Variants in SCUBE2 observed in about 807,000 individuals in gnomAD.
SCUBE2 encodes the protein signal peptide, CUB domain and EGF like domain containing 2, also known as signal peptide, CUB and EGF-like domain-containing protein 2.
In SCUBE2, 114 loss-of-function variants were observed where a neutral mutation model predicts 125.9. That is an observed-to-expected ratio of 0.91 (90% CI 0.78 to 1.06). SCUBE2 has a LOEUF of 1.06. SCUBE2 is among the 50% of genes least tolerant of loss of function. The pLI is 0.00. For synonymous variants in SCUBE2, 459 were observed against 492.9 expected (o/e 0.93, Z 0.91); for missense variants, 1,255 against 1,301.8 (o/e 0.96, Z 0.55).
rs1862491651 is a variant in SCUBE2, at chr11:9,089,922, C to A, written c.134-93G>T. ...TCTGGCATCATCCTCACCAGCCCAC[C>A]CCGCTTCACTCCTCACAAGCTACAG... On this transcript the variant is annotated intron_variant, in intron 1 of 22. Coordinates refer to ENST00000649792, the MANE Select transcript of SCUBE2 (RefSeq NM_001367977.2). The A allele has an allele frequency of 3.4e-6, 5 of 1,470,620 alleles. No individual in the cohort carries two copies. In the Admixed American group the frequency reaches 7.9e-5, roughly 23 times the overall value. 91.1% of individuals were successfully genotyped at this position (1,470,620 alleles called of 1,614,324 possible).
At chr11:9,088,114 G>A (rs1862271496) in intron 2 of SCUBE2, among the ~76,000 whole-genome samples, 1 of 152,248 alleles carries the variant, frequency 6.6e-6, no homozygotes, top group Admixed American at 6.5e-5. Flanking sequence ...AGAGGCCACA[G>A]TATGAAACAG....
chr11:9,050,757 A>AT (rs1858273350), intron 13 of SCUBE2, 47 bp from the exon 14 acceptor site: 1 of 1,440,016 alleles, frequency 6.9e-7, no homozygotes, highest in African/African-American at 1.4e-5. Flanking sequence ...AGGCAAAGGA[A>AT]TGGAGACACC....
chr11:9,045,606 GACAGACACACACACACAC>G (rs1857638014), intron 16 of SCUBE2, among the ~76,000 whole-genome samples: 2 of 115,162 alleles, frequency 1.7e-5, no homozygotes. Flanking sequence ...AAGACAGACA[GACAGACACACACACACAC>G]ACACACACAC....
Position 9,056,011 on chromosome 11 carries a change from T to C in SCUBE2, c.1091-102A>G, listed in dbSNP as rs1470360949. 1.4e-5 allele frequency: 12 copies of C among 845,498 alleles called. No individual in the cohort carries two copies. In the Admixed American group the frequency reaches 1.8e-4, roughly 13 times the overall value. The allele number at this position is 845,498 out of a possible 1,614,324, so 52.4% of individuals were successfully genotyped here. ...AGTTGCTGACCAACACCAAAAACAA[T>C]ACACACAGAGTAAAAAACATTATCT... On this transcript the variant is annotated intron_variant, in intron 9 of 22. Coordinates refer to ENST00000649792, the MANE Select transcript of SCUBE2 (RefSeq NM_001367977.2).
intron 21 of SCUBE2, among the ~76,000 whole-genome samples, chr11:9,024,655 C>A (rs144581344): frequency 7.0e-4 from 107 of 152,312 alleles, no homozygotes; most frequent in African/African-American, 2.4e-3. Flanking sequence ...TAAGACCATT[C>A]GTCAGTCCAC....
intron 21 of SCUBE2, chr11:9,024,427 A>G (rs1479002134): frequency 5.4e-6 from 7 of 1,284,932 alleles, no homozygotes; most frequent in Middle Eastern, 2.1e-4. Flanking sequence ...TAGGACAAAG[A>G]TGATGATCCG....
chr11:9,091,404 G>C lies in SCUBE2; in HGVS notation c.125C>G (p.Pro42Arg). Reference sequence around the variant, plus strand: ...CGCGGCCGGACACTCACCCTCCTGCGGCCCCGCGGCACGGCCCCGACCCGG... The same window carrying C: ...CGCGGCCGGACACTCACCCTCCTGCCGCCCCGCGGCACGGCCCCGACCCGG... ...VPPGRGRAAG[P>R]QEDVDECAQG... is the part of the protein sequence containing the mutation. Residue 42 changes from proline to arginine, a missense_variant, in exon 1 of 23, where the codon CCG (proline) becomes CGG (arginine). Coordinates refer to ENST00000649792, the MANE Select transcript of SCUBE2 (RefSeq NM_001367977.2). The surrounding 1 kb of genome is among the most constrained non-coding windows in gnomAD (Gnocchi z 8.5). 2.3e-6 allele frequency: 3 copies of C among 1,307,538 alleles called. No homozygotes were observed. The highest frequency in any genetic ancestry group is 2.9e-6 in the Non-Finnish European group (3 of 1,034,152). 81.0% of individuals were successfully genotyped at this position (1,307,538 alleles called of 1,614,324 possible). A position where few individuals can be genotyped will look rare whatever the true frequency, so the allele number is the denominator to read the frequency against.
At chr11:9,031,230 C>T in intron 17 of SCUBE2, 2 of 221,786 alleles carry the variant, frequency 9.0e-6, no homozygotes, top group Non-Finnish European at 8.9e-6. Flanking sequence ...CTACACACTG[C>T]CTAGGCATCC....
chr11:9,059,038 T>TA (rs1381421034), intron 9 of SCUBE2, among the ~76,000 whole-genome samples: 1 of 152,250 alleles, frequency 6.6e-6, no homozygotes, highest in African/African-American at 2.4e-5. Context: ...ATTCCATTTC[T>TA]AGCAGTGAGC....
chr11:9,080,642 C>T (rs1052207686), intron 2 of SCUBE2, among the ~76,000 whole-genome samples: 1 of 147,418 alleles, frequency 6.8e-6, no homozygotes, highest in Non-Finnish European at 1.5e-5. Context: ...GAGCAAGACC[C>T]TATCTCAAAA....
chr11:9,054,880 A>C (rs1339979653), intron 10 of SCUBE2, among the ~76,000 whole-genome samples: 2 of 151,176 alleles, frequency 1.3e-5, no homozygotes, highest in Non-Finnish European at 2.9e-5. Context: ...GATTACAGGC[A>C]TGCGCCACCA....
chr11:9,039,009 C>G (rs914062917), intron 16 of SCUBE2, among the ~76,000 whole-genome samples: 2 of 152,072 alleles, frequency 1.3e-5, no homozygotes, highest in African/African-American at 4.8e-5. Context: ...CCTTAGACTC[C>G]TGAGTAGCTG....
rs527549954 is a variant in SCUBE2 at position 9,084,850 on chromosome 11, G to A, written c.256+4857C>T. Among the ~76,000 whole-genome samples the A allele has an allele frequency of 9.9e-5, 15 of 152,284 alleles. No homozygotes were observed. In the South Asian group the frequency reaches 1.4e-3, roughly 15 times the overall value. ...ACTCCTGGGCTCAAGTGATCCTCCT[G>A]CCTCAGCCTCCTGAGTAGCAGGGAC... On this transcript the variant is annotated intron_variant, in intron 2 of 22. Coordinates refer to ENST00000649792, the MANE Select transcript of SCUBE2 (RefSeq NM_001367977.2).
intron 20 of SCUBE2, chr11:9,026,962 C>T: frequency 4.7e-6 from 1 of 212,206 alleles, no homozygotes; most frequent in East Asian, 1.3e-4. Flanking sequence ...CCTTTATGGA[C>T]ACTGGACCAT....
rs528915083 is a variant in SCUBE2 at position 9,021,153 on chromosome 11, G to A, written c.2979C>T (p.Pro993=). The A allele has an allele frequency of 6.2e-7, 1 of 1,612,178 alleles. No homozygotes were observed. Among genetic ancestry groups the A allele is most frequent in the South Asian group, 1.1e-5 (1 of 90,458 alleles). The change falls in exon 23 of 23, where the codon CCC becomes CCT. Residue 993 remains proline (P), a synonymous_variant. Coordinates refer to ENST00000649792, the MANE Select transcript of SCUBE2 (RefSeq NM_001367977.2). ...GGGCTGTGTACTTGAAATAGTTCTG[G>A]GGATGGGCCAGGACATCAAACAGAG... ...IKALFDVLAH[P]QNYFKYTAQE... is the part of the protein sequence containing the mutation.
rs377361912 is a variant in SCUBE2, at chr11:9,047,438, G to C, written c.1920C>G (p.Asp640Glu). 1 of 1,614,126 alleles carries C rather than the reference G, an allele frequency of 6.2e-7. No homozygotes were observed. The highest frequency in any genetic ancestry group is 1.7e-5 in the Admixed American group (1 of 60,014). Residue 640 changes from aspartate (D) to glutamate (E), a missense_variant, in exon 16 of 23, where the codon GAC (aspartate) becomes GAG (glutamate). Transcript: ENST00000649792. ...ATGTTCTGGGAGGCTTTTTAGCCAC[G>C]TCGAGGTTCATGCCTGAGAGCTGGA... ...FHLQLSGMNL[D>E]VAKKPPRTSE...
intron 2 of SCUBE2, among the ~76,000 whole-genome samples, chr11:9,082,815 G>T (rs1861752143): frequency 6.6e-6 from 1 of 152,302 alleles, no homozygotes; most frequent in African/African-American, 2.4e-5. Context: ...GCTTGAGGCT[G>T]GGACTGGGAA....
At chr11:9,034,850 G>A (rs1856626148) in intron 16 of SCUBE2, among the ~76,000 whole-genome samples, 1 of 151,848 alleles carries the variant, frequency 6.6e-6, no homozygotes, top group African/African-American at 2.4e-5. Context: ...AGAAAAATTA[G>A]CTGGGTGTGG....
intron 14 of SCUBE2, among the ~76,000 whole-genome samples, 163 bp from the exon 15 acceptor site, chr11:9,048,261 C>T (rs1858006028): frequency 6.6e-6 from 1 of 152,232 alleles, no homozygotes; most frequent in African/African-American, 2.4e-5. Flanking sequence ...AGCACAACGA[C>T]ATTTTAATGT....
Sources: allele counts gnomAD v4.1 joint callset (sites outside exome capture counted in the v4.1 genomes callset), GRCh38; gene constraint gnomAD v4.1.1; non-coding constraint Gnocchi (gnomAD v3.1); transcripts MANE v1.5; gene names NCBI Gene and HGNC (gene_info 2026-07-23, HGNC 2026-07-21).